The following NFIC variants were observed in gnomAD, a reference collection of about 807,000 sequenced individuals.
NFIC encodes the protein nuclear factor I C.
Under a neutral mutation model 54.4 loss-of-function variants are expected in NFIC, and 12 were observed. That is an observed-to-expected ratio of 0.22 (90% confidence interval 0.14 to 0.36). The LOEUF (loss-of-function observed/expected upper bound fraction) is 0.36, where lower values mean the gene tolerates loss of function less well. NFIC is among the 10% of genes least tolerant of loss of function. The pLI is 1.00. For synonymous variants in NFIC, 322 were observed against 319.2 expected (o/e 1.01, Z -0.09); for missense variants, 575 against 718.2 (o/e 0.80, Z 2.28).
chr19:3,360,254 G>A (rs1184444763), intron 1 of NFIC, among the ~76,000 whole-genome samples: 1 of 145,800 alleles, frequency 6.9e-6, no homozygotes, highest in African/African-American at 2.5e-5. Flanking sequence ...TGAACTTGGA[G>A]CCGGGCGGGC....
rs372436353 is a variant in NFIC, at chr19:3,382,230, C to T, written c.549C>T (p.Phe183=). 17 of 1,601,806 alleles carry T rather than the reference C, an allele frequency of 1.1e-5. No individual in the cohort carries two copies. Among genetic ancestry groups the T allele is most frequent in the African/African-American group, 2.7e-5 (2 of 75,036 alleles). ...VKELDLYLAY[F]VRERDAEQSG... is the part of the protein sequence containing the mutation. The stretch of plus-strand genomic sequence containing the variant: ...AGCTGGACCTCTACCTGGCCTACTT[C>T]GTGCGTGAGCGAGGTGAGGTGTGGT... The change falls in exon 2 of 11, where the codon TTC becomes TTT. Residue 183 remains phenylalanine (F), a synonymous_variant. Transcript: ENST00000443272.
At chr19:3,368,290 C>A (rs1208967236) in intron 1 of NFIC, among the ~76,000 whole-genome samples, 1 of 152,056 alleles carries the variant, frequency 6.6e-6, no homozygotes, top group Admixed American at 6.6e-5. Flanking sequence ...TGCCTGTGCA[C>A]CCTGGAATTC....
rs949978668 is a variant in NFIC at position 3,465,878 on chromosome 19, C to T, written c.*3109C>T. 27 of 152,374 alleles carry T rather than the reference C, an allele frequency of 1.8e-4. No individual in the cohort carries two copies. The highest frequency in any genetic ancestry group is 6.3e-4 in the African/African-American group (26 of 41,550). The allele number at this position is 152,374 out of a possible 1,614,324, so 9.4% of individuals were successfully genotyped here. A position where few individuals can be genotyped will look rare whatever the true frequency, so the allele number is the denominator to read the frequency against. ...TCCACACCCACCTCAGAGGCACCCC[C>T]TCTCCCCTGCCCCGTGCATCCCCAC... On this transcript the variant is annotated 3_prime_UTR_variant, in exon 11 of 11. Coordinates refer to ENST00000443272, the MANE Select transcript of NFIC (RefSeq NM_001245002.2).
chr19:3,365,501 T>C (rs1251606504), upstream of NFIC, among the ~76,000 whole-genome samples: 1 of 152,108 alleles, frequency 6.6e-6, no homozygotes, highest in Non-Finnish European at 1.5e-5. Context: ...TGGGGCCCTG[T>C]CATCAGATGC....
intron 2 of NFIC, among the ~76,000 whole-genome samples, chr19:3,399,241 C>T (rs1465570441): frequency 6.6e-6 from 1 of 152,204 alleles, no homozygotes; most frequent in Non-Finnish European, 1.5e-5. Flanking sequence ...ATAGCGCCTG[C>T]TCTGTGGGGT....
intron 6 of NFIC, among the ~76,000 whole-genome samples, chr19:3,439,383 C>T (rs111892488): frequency 0.29 from 37,839 of 128,348 alleles, 6,751 homozygotes; most frequent in East Asian, 0.78. Flanking sequence ...AAAGGCTCAC[C>T]TGTAATCCCA....
At chr19:3,434,086 T>C (rs903448876) in intron 4 of NFIC, among the ~76,000 whole-genome samples, 191 bp from the exon 5 acceptor site, 1 of 152,230 alleles carries the variant, frequency 6.6e-6, no homozygotes, top group African/African-American at 2.4e-5. Flanking sequence ...CAGTGTGCTC[T>C]TGGCCTCTCC....
At chr19:3,397,365 C>G (rs2081481294) in intron 2 of NFIC, among the ~76,000 whole-genome samples, 1 of 152,338 alleles carries the variant, frequency 6.6e-6, no homozygotes, top group Non-Finnish European at 1.5e-5. Flanking sequence ...CGGATCCTGC[C>G]TTTGGGCCTA....
At chr19:3,418,495 A>C (rs1315930252) in intron 2 of NFIC, among the ~76,000 whole-genome samples, 2 of 152,232 alleles carry the variant, frequency 1.3e-5, no homozygotes, top group Non-Finnish European at 2.9e-5. Flanking sequence ...TTCAGGAGCC[A>C]AATGATGGAA....
At chr19:3,397,088 T>G (rs994508374) in intron 2 of NFIC, among the ~76,000 whole-genome samples, 10 of 152,102 alleles carry the variant, frequency 6.6e-5, no homozygotes, top group South Asian at 4.1e-4. Context: ...GCTTACCAAG[T>G]GCCTGGCTCA....
intron 2 of NFIC, among the ~76,000 whole-genome samples, chr19:3,389,921 T>G (rs1422665201): frequency 1.3e-5 from 2 of 151,784 alleles, no homozygotes; most frequent in Non-Finnish European, 2.9e-5. Context: ...GAGAAGGAGG[T>G]TGCGGTGAAC....
chr19:3,448,963 G>A (rs1263136829), intron 6 of NFIC, 51 bp from the exon 7 acceptor site: 1 of 1,577,926 alleles, frequency 6.3e-7, no homozygotes, highest in Non-Finnish European at 8.6e-7. Context: ...AAGGTCCAGG[G>A]CTCATGGGGT....
chr19:3,396,919 G>A (rs1252201147), intron 2 of NFIC, among the ~76,000 whole-genome samples: 1 of 152,164 alleles, frequency 6.6e-6, no homozygotes, highest in Non-Finnish European at 1.5e-5. Flanking sequence ...TCGCGCCATT[G>A]CACTCCAGCC....
Position 3,458,308 on chromosome 19 carries a change from C to T in NFIC, c.1509+1673C>T, listed in dbSNP as rs1434490987. ...TACCTCTGCCACCCCCACCCCACAT[C>T]GCTCCCTGCCCCTGCGGGAGGCTGG... On this transcript the variant is annotated intron_variant, in intron 10 of 10. Transcript: ENST00000443272. The surrounding 1 kb of genome is among the most constrained non-coding windows in gnomAD (Gnocchi z 4.1). Among the ~76,000 whole-genome samples the T allele has an allele frequency of 6.6e-6, 1 of 152,142 alleles. No individual in the cohort carries two copies. The highest frequency in any genetic ancestry group is 1.5e-5 in the Non-Finnish European group (1 of 68,032).
At chr19:3,383,898 G>A (rs2081251828) in intron 2 of NFIC, among the ~76,000 whole-genome samples, 2 of 152,164 alleles carry the variant, frequency 1.3e-5, no homozygotes, top group African/African-American at 2.4e-5. Flanking sequence ...CAGCTGTATG[G>A]ACACATCCCT....
Position 3,456,564 on chromosome 19 carries a change from G to A in NFIC, c.1438G>A (p.Asp480Asn), listed in dbSNP as rs564835230. ...SPTSPSYSPPDTSPANRSFVG... is the reference protein window; with the variant it reads ...SPTSPSYSPPNTSPANRSFVG... The stretch of plus-strand genomic sequence containing the variant: ...CCTCCCTGCAGCCTACTCTCCGCCC[G>A]ACACGTCCCCTGCAAACCGTTCCTT... Residue 480 changes from aspartate (D) to asparagine (N), a missense_variant, in exon 10 of 11, where the codon GAC becomes AAC. This residue lies in a region of NFIC where 447 missense variants were observed against 526.9 expected (regional missense o/e 0.85). Coordinates refer to ENST00000443272, the MANE Select transcript of NFIC (RefSeq NM_001245002.2). The A allele has an allele frequency of 8.9e-5, 138 of 1,552,760 alleles. 1 individual carries two copies. Among genetic ancestry groups the A allele is most frequent in the East Asian group, 2.9e-4 (12 of 41,026 alleles).
intron 2 of NFIC, among the ~76,000 whole-genome samples, chr19:3,401,075 G>T (rs2081547333): frequency 6.6e-6 from 1 of 152,206 alleles, no homozygotes; most frequent in Admixed American, 6.5e-5. Context: ...CCGTGCAAAG[G>T]CCCTGCGGCA....
At chr19:3,414,388 A>G (rs2081815436) in intron 2 of NFIC, among the ~76,000 whole-genome samples, 1 of 152,034 alleles carries the variant, frequency 6.6e-6, no homozygotes, top group South Asian at 2.1e-4. Context: ...CGAGGTCAAG[A>G]GTTCGAGACC....
intron 2 of NFIC, among the ~76,000 whole-genome samples, chr19:3,386,188 A>G (rs1367242018): frequency 4.0e-5 from 6 of 151,878 alleles, no homozygotes; most frequent in African/African-American, 1.5e-4. Context: ...GGCATTCGAG[A>G]CCAGCCTGGG....
Sources: allele counts gnomAD v4.1 joint callset (sites outside exome capture counted in the v4.1 genomes callset), GRCh38; gene constraint gnomAD v4.1.1; regional missense constraint gnomAD v4.1.1; non-coding constraint Gnocchi (gnomAD v3.1); transcripts MANE v1.5; gene names NCBI Gene and HGNC (gene_info 2026-07-23, HGNC 2026-07-21).